The following ADARB2 variants were observed in gnomAD, a reference collection of about 807,000 sequenced individuals.
ADARB2 encodes the protein inactive double-stranded RNA-specific editase B2.
A neutral mutation model predicts 62.2 loss-of-function variants in ADARB2; 25 were observed. The ratio of observed to expected loss-of-function variants is 0.40; its 90% CI spans 0.29 to 0.56. ADARB2 has a LOEUF of 0.56. Among genes scored for constraint, ADARB2 ranks in the 20% least tolerant of loss-of-function variants. ADARB2 has a pLI of 0.43. For missense variants in ADARB2, 1,071 were observed against 1,077.4 expected (o/e 0.99, Z 0.08); for synonymous variants, 572 against 500.8 (o/e 1.14, Z -1.90).
intron 1 of ADARB2, among the ~76,000 whole-genome samples, chr10:1,727,853 C>T (rs1045965593): frequency 6.6e-6 from 1 of 152,110 alleles, no homozygotes; most frequent in African/African-American, 2.4e-5. Context: ...GCCTGTCTCA[C>T]GGTAGGCACT....
At position 1,398,940 on chromosome 10, in the gene ADARB2, G is replaced by A. The variant is rs1043955919; in HGVS notation, c.101-19780C>T. Among the ~76,000 whole-genome samples, 5 of 152,164 alleles carry A rather than the reference G, an allele frequency of 3.3e-5. No homozygotes were observed. On this transcript the variant is annotated intron_variant, in intron 1 of 9. Transcript: ENST00000381312. The surrounding 1 kb of genome is among the most constrained non-coding windows in gnomAD (Gnocchi z 4.1). ...GAGAACCACCGAAGAGCCTTCCAGGGACTTCTAAGAGTGGGCACTTACTTC... is the reference window on the plus strand; with the variant it reads ...GAGAACCACCGAAGAGCCTTCCAGGAACTTCTAAGAGTGGGCACTTACTTC...
intron 1 of ADARB2, among the ~76,000 whole-genome samples, chr10:1,646,170 C>A (rs1834038874): frequency 6.6e-6 from 1 of 152,114 alleles, no homozygotes; most frequent in South Asian, 2.1e-4. Context: ...TCCATTAGGA[C>A]ACACCCAGGT....
intron 1 of ADARB2, among the ~76,000 whole-genome samples, chr10:1,450,126 G>A (rs1394064771): frequency 6.6e-6 from 1 of 152,152 alleles, no homozygotes; most frequent in Non-Finnish European, 1.5e-5. Context: ...ACAGGTGGAG[G>A]CTCCCGTCGA....
chr10:1,577,780 A>C (rs1393371475), intron 1 of ADARB2, among the ~76,000 whole-genome samples: 34 of 152,230 alleles, frequency 2.2e-4, no homozygotes. Flanking sequence ...AACCCCCAGG[A>C]CATCAGACGG....
intron 1 of ADARB2, among the ~76,000 whole-genome samples, chr10:1,577,809 G>A (rs1460833112): frequency 3.3e-5 from 5 of 152,198 alleles, no homozygotes; most frequent in Non-Finnish European, 7.3e-5. Flanking sequence ...TTTGGAGATC[G>A]GGATCTTCAA....
At chr10:1,676,868 G>T (rs1834472641) in intron 1 of ADARB2, among the ~76,000 whole-genome samples, 1 of 150,370 alleles carries the variant, frequency 6.7e-6, no homozygotes, top group African/African-American at 2.4e-5. Context: ...GAGAAGGTGG[G>T]TGAGGCCCAG....
chr10:1,276,955 C>G (rs977881658), intron 3 of ADARB2, among the ~76,000 whole-genome samples: 20 of 152,346 alleles, frequency 1.3e-4, no homozygotes, highest in East Asian at 5.8e-4. Context: ...AAGAAACTCA[C>G]TCAAAACTGC....
At chr10:1,381,615 A>C (rs571651670) in intron 1 of ADARB2, among the ~76,000 whole-genome samples, 4 of 152,208 alleles carry the variant, frequency 2.6e-5, no homozygotes, top group Non-Finnish European at 5.9e-5. Context: ...GGATGAGTGG[A>C]TAAGTGAAAT....
intron 1 of ADARB2, among the ~76,000 whole-genome samples, chr10:1,591,466 C>T (rs916852424): frequency 6.6e-6 from 1 of 152,104 alleles, no homozygotes; most frequent in African/African-American, 2.4e-5. Context: ...GACAGTGGGG[C>T]TGCATTTGGG....
intron 3 of ADARB2, among the ~76,000 whole-genome samples, chr10:1,326,803 C>CT (rs1831854217): frequency 2.3e-5 from 3 of 130,854 alleles, no homozygotes; most frequent in African/African-American, 9.1e-5. Context: ...CGCCTCCCCA[C>CT]GGCCCAGCGC....
At chr10:1,555,497 T>C (rs764216281) in intron 1 of ADARB2, among the ~76,000 whole-genome samples, 19 of 152,182 alleles carry the variant, frequency 1.2e-4, no homozygotes, top group Non-Finnish European at 2.6e-4. Flanking sequence ...GTCCTGTGGT[T>C]TCTTGAAGTG....
intron 1 of ADARB2, among the ~76,000 whole-genome samples, chr10:1,466,421 A>G (rs7901393): frequency 0.97 from 147,022 of 152,306 alleles, 71,134 homozygotes; most frequent in East Asian, 1. Context: ...GGTCTTCACA[A>G]GGCCCCATCC....
intron 1 of ADARB2, among the ~76,000 whole-genome samples, chr10:1,727,180 C>A (rs1420519715): frequency 1.3e-5 from 2 of 152,138 alleles, no homozygotes; most frequent in African/African-American, 2.4e-5. Flanking sequence ...TGGTATGCGG[C>A]GAGACAATCT....
At chr10:1,485,174 G>C (rs1831524620) in intron 1 of ADARB2, among the ~76,000 whole-genome samples, 1 of 152,188 alleles carries the variant, frequency 6.6e-6, no homozygotes, top group African/African-American at 2.4e-5. Context: ...AGCTATGCAT[G>C]TAGATACCTA....
chr10:1,703,795 G>A (rs1834854015), intron 1 of ADARB2, among the ~76,000 whole-genome samples: 2 of 152,124 alleles, frequency 1.3e-5, no homozygotes, highest in Non-Finnish European at 1.5e-5. Context: ...AGTAGCATTT[G>A]GCCATATTAA....
intron 1 of ADARB2, among the ~76,000 whole-genome samples, chr10:1,722,831 G>T (rs7907903): frequency 0.58 from 88,499 of 152,076 alleles, 26,912 homozygotes; most frequent in South Asian, 0.78. Flanking sequence ...GACCTCTGCA[G>T]TTTCCTTTAA....
At chr10:1,296,515 T>C (rs1831524584) in intron 3 of ADARB2, among the ~76,000 whole-genome samples, 1 of 152,114 alleles carries the variant, frequency 6.6e-6, no homozygotes. Context: ...GGCAGAGAAT[T>C]GAGGGACAGG....
chr10:1,303,456 A>C lies in ADARB2; in HGVS notation c.1078-32387T>G, dbSNP rs543080910. Among the ~76,000 whole-genome samples the C allele has an allele frequency of 1.1e-4, 17 of 152,318 alleles. No homozygotes were observed. In the South Asian group the frequency reaches 3.5e-3, roughly 32 times the overall value. On this transcript the variant is annotated intron_variant, in intron 3 of 9. Coordinates refer to ENST00000381312, the MANE Select transcript of ADARB2 (RefSeq NM_018702.4). ...GGAACCAAGTTGGAAAACACTCTGC[A>C]GGATATTATCCAGGAGAATTTCCCC...
rs570570767 is a variant in ADARB2, at chr10:1,342,790, A to G, written c.1077+20238T>C. On this transcript the variant is annotated intron_variant, in intron 3 of 9. Transcript: ENST00000381312. ...GGAAAAGAGGTCTTTTGCTGTGATC[A>G]GTTCTCATCTTCTCTCCCACATTTA... is the stretch of plus-strand genomic sequence containing the variant. Among the ~76,000 whole-genome samples the G allele has an allele frequency of 2.0e-5, 3 of 152,326 alleles. No individual in the cohort carries two copies. In the East Asian group the frequency reaches 5.8e-4, roughly 29 times the overall value.
Sources: allele counts gnomAD v4.1 joint callset (sites outside exome capture counted in the v4.1 genomes callset), GRCh38; gene constraint gnomAD v4.1.1; non-coding constraint Gnocchi (gnomAD v3.1); transcripts MANE v1.5; gene names NCBI Gene and HGNC (gene_info 2026-07-23, HGNC 2026-07-21).